The following PIK3R1 variants were observed in gnomAD, a reference collection of about 807,000 sequenced individuals.
The protein encoded by PIK3R1 is phosphoinositide-3-kinase regulatory subunit 1.
In PIK3R1, 29 loss-of-function variants were observed where a neutral mutation model predicts 98.0. The ratio of observed to expected loss-of-function variants is 0.30; its 90% CI spans 0.22 to 0.40. The LOEUF is 0.40. PIK3R1 is among the 10% of genes least tolerant of loss of function. The pLI is 1.00. For synonymous variants in PIK3R1, 282 were observed against 311.8 expected, an observed-to-expected ratio of 0.90 and a Z score of 1.01; for missense variants, 596 against 872.7, an observed-to-expected ratio of 0.68 and a Z score of 3.99.
chr5:68,235,267 A>G (rs1194740077), intron 2 of PIK3R1, among the ~76,000 whole-genome samples: 4 of 151,904 alleles, frequency 2.6e-5, no homozygotes, highest in East Asian at 1.9e-4. Flanking sequence ...GCTGGGTGTG[A>G]TGGTGCATGC....
At chr5:68,273,297 G>A in intron 2 of PIK3R1, 93 bp from the exon 3 acceptor site, 1 of 1,178,844 alleles carries the variant, frequency 8.5e-7, no homozygotes. Flanking sequence ...GCTCGGGCCT[G>A]ATGTAATTAA....
At chr5:68,240,029 A>G (rs1744816596) in intron 2 of PIK3R1, 2 of 435,832 alleles carry the variant, frequency 4.6e-6, no homozygotes, top group Admixed American at 5.2e-5. Flanking sequence ...TGTAGCCCTC[A>G]CTTGGCTTGT....
intron 4 of PIK3R1, among the ~76,000 whole-genome samples, chr5:68,278,730 A>G (rs1746683096): frequency 6.6e-6 from 1 of 152,098 alleles, no homozygotes; most frequent in Non-Finnish European, 1.5e-5. Flanking sequence ...TCACGAGGTC[A>G]GGAGTTTGAG....
At chr5:68,293,640 A>T (rs2112261112) in intron 10 of PIK3R1, 69 bp from the exon 11 acceptor site, 2 of 1,222,482 alleles carry the variant, frequency 1.6e-6, no homozygotes, top group South Asian at 2.8e-5. Flanking sequence ...TTTCCATGTC[A>T]GCTATTTTGT....
chr5:68,274,093 T>C (rs1457490500), intron 4 of PIK3R1, 80 bp downstream of exon 4: 5 of 1,045,992 alleles, frequency 4.8e-6, no homozygotes, highest in Non-Finnish European at 7.5e-6. Flanking sequence ...ACACACAAAA[T>C]TGAATTTAAT....
At chr5:68,260,506 G>GA (rs1398614895) in intron 2 of PIK3R1, among the ~76,000 whole-genome samples, 5 of 151,922 alleles carry the variant, frequency 3.3e-5, no homozygotes, top group Non-Finnish European at 5.9e-5. Context: ...GAAAAGAGGA[G>GA]AAAAAAAATC....
intron 2 of PIK3R1, among the ~76,000 whole-genome samples, chr5:68,256,227 T>A (rs1437293661): frequency 3.3e-5 from 5 of 152,346 alleles, no homozygotes; most frequent in East Asian, 3.9e-4. Context: ...TTTTGTAATT[T>A]TTTATTTATT....
At chr5:68,241,292 A>G (rs1321037293) in intron 2 of PIK3R1, among the ~76,000 whole-genome samples, 1 of 151,986 alleles carries the variant, frequency 6.6e-6, no homozygotes, top group African/African-American at 2.4e-5. Context: ...ACCCCAGTGC[A>G]TGTTCGATTA....
Position 68,296,169 on chromosome 5 carries a change from A to C in PIK3R1, c.1815-2A>C. On this transcript the variant is annotated splice_acceptor_variant, in intron 14 of 15. Transcript: ENST00000521381. LOFTEE classifies it high-confidence loss of function. Reference sequence around the variant, plus strand: ...TAGAAACTTTCTGTCCTGCCTGCCTAGCCAATATTCACTGGTGGAAGATGA... The same window carrying C: ...TAGAAACTTTCTGTCCTGCCTGCCTCGCCAATATTCACTGGTGGAAGATGA... The C allele has an allele frequency of 6.2e-7, 1 of 1,614,052 alleles. No individual in the cohort carries two copies.
intron 2 of PIK3R1, among the ~76,000 whole-genome samples, chr5:68,230,261 G>A (rs781223315): frequency 2.8e-4 from 43 of 152,140 alleles, no homozygotes; most frequent in Non-Finnish European, 2.9e-4. Context: ...CCACGATATC[G>A]TTTACTTATT....
intron 2 of PIK3R1, among the ~76,000 whole-genome samples, chr5:68,249,007 A>C (rs186457512): frequency 1.3e-5 from 2 of 152,350 alleles, no homozygotes; most frequent in Admixed American, 6.5e-5. Flanking sequence ...TGATTCAAAA[A>C]GGTGAGATAG....
chr5:68,253,530 C>G (rs776966002), intron 2 of PIK3R1, among the ~76,000 whole-genome samples: 5 of 152,104 alleles, frequency 3.3e-5, no homozygotes, highest in Non-Finnish European at 7.4e-5. Context: ...AATATTGCTG[C>G]CTTTAAAAGA....
intron 2 of PIK3R1, among the ~76,000 whole-genome samples, chr5:68,247,841 G>A (rs957074649): frequency 1.3e-5 from 2 of 152,056 alleles, no homozygotes; most frequent in Non-Finnish European, 2.9e-5. Flanking sequence ...TTGGTGCCAG[G>A]GCCTGTTTTT....
At chr5:68,239,647 A>G (rs1447653068) in intron 2 of PIK3R1, among the ~76,000 whole-genome samples, 8 of 152,172 alleles carry the variant, frequency 5.3e-5, no homozygotes, top group African/African-American at 1.2e-4. Flanking sequence ...TGTTGACCCA[A>G]TGCTCTTAAG....
chr5:68,277,531 C>T (rs910328104), intron 4 of PIK3R1, among the ~76,000 whole-genome samples: 3 of 152,170 alleles, frequency 2.0e-5, no homozygotes, highest in African/African-American at 7.2e-5. Flanking sequence ...GACTCACTTT[C>T]GGAACGTCGG....
chr5:68,218,808 A>T (rs1414152808), intron 1 of PIK3R1, among the ~76,000 whole-genome samples: 4 of 152,228 alleles, frequency 2.6e-5, no homozygotes, highest in Non-Finnish European at 5.9e-5. Context: ...GCCCTGGAAG[A>T]CTAGAAAGTT....
At chr5:68,280,223 CTCT>C in intron 5 of PIK3R1, 1 of 420,458 alleles carries the variant, frequency 2.4e-6, no homozygotes. Context: ...TCTGATGCTC[CTCT>C]GAGTTAGCCA....
At chr5:68,271,635 G>A (rs547444933) in intron 2 of PIK3R1, among the ~76,000 whole-genome samples, 1 of 152,230 alleles carries the variant, frequency 6.6e-6, no homozygotes, top group Non-Finnish European at 1.5e-5. Context: ...CTCAATAACC[G>A]CTGTGGCTAG....
intron 1 of PIK3R1, among the ~76,000 whole-genome samples, chr5:68,224,655 C>T (rs939140254): frequency 6.6e-6 from 1 of 152,210 alleles, no homozygotes; most frequent in Non-Finnish European, 1.5e-5. Context: ...CTCTTTAAAA[C>T]TTATAAAAGC....
Sources: gnomAD v4.1 joint callset for allele counts (sites outside exome capture counted in the v4.1 genomes callset) on GRCh38, gnomAD v4.1.1 for gene constraint, MANE v1.5 for transcripts, NCBI Gene and HGNC (gene_info 2026-07-23, HGNC 2026-07-21) for gene names.